Variants in LHFPL6 observed in about 807,000 individuals in gnomAD.
The protein encoded by LHFPL6 is LHFPL tetraspan subfamily member 6 protein.
A neutral mutation model predicts 20.6 loss-of-function variants in LHFPL6; 9 were observed. The observed-to-expected ratio is 0.44, with a 90% CI of 0.26 to 0.76. The LOEUF is 0.76. Ranked by LOEUF, LHFPL6 falls within the 30% of genes least tolerant of loss-of-function variation. The probability of loss-of-function intolerance (pLI) is 0.20; values close to 1 mark genes in which losing one functional copy is unlikely to be tolerated. For synonymous variants in LHFPL6, 105 were observed against 98.7 expected (o/e 1.06, Z -0.38); for missense variants, 218 against 253.5 (o/e 0.86, Z 0.95).
rs1358674385 is a variant in LHFPL6 at position 39,343,214 on chromosome 13, A to C, written c.*722T>G. Reference sequence around the variant, plus strand: ...TCTAAAGGTCTGCATAAACACTGAAAATATGTTGAGGAACTAAATTAGAGT... The same window carrying C: ...TCTAAAGGTCTGCATAAACACTGAACATATGTTGAGGAACTAAATTAGAGT... On this transcript the variant is annotated 3_prime_UTR_variant, in exon 4 of 4. Transcript: ENST00000379589. 4.7e-6 allele frequency: 1 copy of C among 212,512 alleles called. No homozygotes were observed. Among genetic ancestry groups the C allele is most frequent in the African/African-American group, 2.3e-5 (1 of 44,276 alleles). The allele number at this position is 212,512 out of a possible 1,614,324, so 13.2% of individuals were successfully genotyped here.
intron 2 of LHFPL6, among the ~76,000 whole-genome samples, chr13:39,588,717 AG>A (rs1211080342): frequency 1.7e-4 from 26 of 152,222 alleles, no homozygotes; most frequent in Non-Finnish European, 3.8e-4. Context: ...TATTCCCATG[AG>A]GTACAGAAGA....
rs540294371 is a variant in LHFPL6, at chr13:39,557,167, C to T, written c.385+43665G>A. Among the ~76,000 whole-genome samples, 18 of 152,314 alleles carry T rather than the reference C, an allele frequency of 1.2e-4. No individual in the cohort carries two copies. In the South Asian group the frequency reaches 3.5e-3, roughly 30 times the overall value. On this transcript the variant is annotated intron_variant, in intron 2 of 3. Coordinates refer to ENST00000379589, the MANE Select transcript of LHFPL6 (RefSeq NM_005780.3). ...GCATTTCAGAAATCTTTGAGGCAGC[C>T]ACTCCCATCACAAACCCAGAAGCCT... is the stretch of plus-strand genomic sequence containing the variant.
At chr13:39,568,349 T>C (rs1293310538) in intron 2 of LHFPL6, among the ~76,000 whole-genome samples, 1 of 151,812 alleles carries the variant, frequency 6.6e-6, no homozygotes, top group African/African-American at 2.4e-5. Flanking sequence ...TATATGAATA[T>C]TGGGTGAGCT....
rs774869833 is a variant in LHFPL6 at position 39,378,493 on chromosome 13, G to A, written c.419C>T (p.Pro140Leu). 2.5e-6 allele frequency: 4 copies of A among 1,613,816 alleles called. No homozygotes were observed. Among genetic ancestry groups the A allele is most frequent in the Non-Finnish European group, 3.4e-6 (4 of 1,179,956 alleles). ...LLIGAGCALY[P>L]LGWDSEEVRQ... ...GACTTCCTCACTGTCCCAGCCCAAG[G>A]GGTAGAGGGCACAGCCAGCACCAAT... The change falls in exon 3 of 4, where the codon CCC (proline) becomes CTC (leucine). Residue 140 changes from proline (P) to leucine (L), a missense_variant. Transcript: ENST00000379589.
intron 2 of LHFPL6, among the ~76,000 whole-genome samples, chr13:39,406,124 A>T (rs570817296): frequency 6.6e-6 from 1 of 152,174 alleles, no homozygotes; most frequent in African/African-American, 2.4e-5. Context: ...TGTGCCACAG[A>T]AAGTGGCTGA....
chr13:39,521,413 C>T (rs1443971406), intron 2 of LHFPL6, among the ~76,000 whole-genome samples: 1 of 152,172 alleles, frequency 6.6e-6, no homozygotes, highest in Non-Finnish European at 1.5e-5. Flanking sequence ...ATGTGCATTA[C>T]ATGTACATTT....
chr13:39,544,769 T>C (rs894201265), intron 2 of LHFPL6, among the ~76,000 whole-genome samples: 1 of 152,140 alleles, frequency 6.6e-6, no homozygotes, highest in Non-Finnish European at 1.5e-5. Context: ...TCCTAAGGAA[T>C]GAACTGGATG....
chr13:39,431,393 C>A (rs1871797761), intron 2 of LHFPL6, among the ~76,000 whole-genome samples: 1 of 152,182 alleles, frequency 6.6e-6, no homozygotes, highest in Admixed American at 6.5e-5. Context: ...GGGTCCACGG[C>A]TTCATTCTTG....
intron 2 of LHFPL6, among the ~76,000 whole-genome samples, chr13:39,419,712 C>A (rs180704066): frequency 3.9e-5 from 6 of 152,018 alleles, no homozygotes; most frequent in Admixed American, 3.9e-4. Flanking sequence ...TTAATCATTT[C>A]GAGTTGTATA....
At chr13:39,570,125 T>C (rs182524599) in intron 2 of LHFPL6, among the ~76,000 whole-genome samples, 68 of 152,322 alleles carry the variant, frequency 4.5e-4, no homozygotes, top group Non-Finnish European at 8.5e-4. Flanking sequence ...TTCTTTACTC[T>C]TTTTAAATTT....
chr13:39,478,781 G>A (rs558510347), intron 2 of LHFPL6, among the ~76,000 whole-genome samples: 1 of 152,056 alleles, frequency 6.6e-6, no homozygotes, highest in African/African-American at 2.4e-5. Flanking sequence ...TAACTGCCTG[G>A]GATTTACATG....
At chr13:39,557,497 G>C (rs1280834266) in intron 2 of LHFPL6, among the ~76,000 whole-genome samples, 1 of 152,232 alleles carries the variant, frequency 6.6e-6, no homozygotes, top group Non-Finnish European at 1.5e-5. Flanking sequence ...CCAGTACACA[G>C]TCCCCACCAG....
chr13:39,410,577 A>G (rs528663557), intron 2 of LHFPL6, among the ~76,000 whole-genome samples: 1 of 152,214 alleles, frequency 6.6e-6, no homozygotes, highest in Non-Finnish European at 1.5e-5. Context: ...CAAAACCAAC[A>G]AAAGACAGTC....
intron 2 of LHFPL6, among the ~76,000 whole-genome samples, chr13:39,479,024 G>A (rs960914208): frequency 7.0e-6 from 1 of 143,364 alleles, no homozygotes; most frequent in Non-Finnish European, 1.5e-5. Context: ...AAGCACCAAT[G>A]GGAGATAGAT....
intron 2 of LHFPL6, among the ~76,000 whole-genome samples, chr13:39,406,521 C>T (rs1464937377): frequency 1.3e-5 from 2 of 152,062 alleles, no homozygotes; most frequent in Non-Finnish European, 2.9e-5. Flanking sequence ...ACAAATACTA[C>T]CACATACATA....
chr13:39,539,199 T>C (rs961263916), intron 2 of LHFPL6, among the ~76,000 whole-genome samples: 1 of 152,240 alleles, frequency 6.6e-6, no homozygotes, highest in Non-Finnish European at 1.5e-5. Flanking sequence ...CTTAGCCTTT[T>C]AGTTCTTTTT....
chr13:39,543,281 T>C (rs1046392666), intron 2 of LHFPL6, among the ~76,000 whole-genome samples: 4 of 152,258 alleles, frequency 2.6e-5, no homozygotes, highest in Non-Finnish European at 5.9e-5. Context: ...AGGAATTTAC[T>C]GTCTAGCAAA....
At chr13:39,469,006 A>G (rs1311738492) in intron 2 of LHFPL6, among the ~76,000 whole-genome samples, 1 of 152,204 alleles carries the variant, frequency 6.6e-6, no homozygotes, top group Non-Finnish European at 1.5e-5. Context: ...GCCTAACTGT[A>G]TAAGGCCTAG....
intron 2 of LHFPL6, among the ~76,000 whole-genome samples, chr13:39,490,718 T>C (rs1228753693): frequency 6.6e-6 from 1 of 152,200 alleles, no homozygotes; most frequent in South Asian, 2.1e-4. Context: ...GAAGCTTTAA[T>C]TATTCATTTA....
Sources: allele counts gnomAD v4.1 joint callset (sites outside exome capture counted in the v4.1 genomes callset), GRCh38; gene constraint gnomAD v4.1.1; transcripts MANE v1.5; gene names NCBI Gene and HGNC (gene_info 2026-07-23, HGNC 2026-07-21).